Variants in FRK observed in about 807,000 individuals in gnomAD.
FRK encodes the protein fyn related Src family tyrosine kinase.
In FRK, 51 loss-of-function variants were observed where a neutral mutation model predicts 56.4. The ratio of observed to expected loss-of-function variants is 0.90; its 90% CI spans 0.72 to 1.14. The LOEUF is 1.14. FRK is among the 50% of genes most tolerant of loss of function. The pLI is 0.00. For missense variants in FRK, 570 were observed against 601.4 expected (o/e 0.95, Z 0.55); for synonymous variants, 245 against 217.9 (o/e 1.12, Z -1.10).
At chr6:116,062,279 A>C (rs757645267), upstream of FRK, among the ~76,000 whole-genome samples, 27 of 152,122 alleles carry the variant, frequency 1.8e-4, no homozygotes, top group Non-Finnish European at 2.9e-4. Flanking sequence ...TATGAGACCT[A>C]AAATAGACTG....
intron 1 of FRK, among the ~76,000 whole-genome samples, chr6:116,015,930 T>G (rs568705360): frequency 2.6e-5 from 4 of 152,300 alleles, no homozygotes; most frequent in African/African-American, 9.6e-5. Context: ...ACTGGAACTT[T>G]TATTTATCAG....
chr6:115,942,437 C>A lies in FRK; in HGVS notation c.1495G>T (p.Asp499Tyr). Residue 499 changes from aspartate to tyrosine, a missense_variant, in exon 8 of 8, where the codon GAT (aspartate) becomes TAT (tyrosine). Asp to Tyr is a radical substitution (Grantham distance 160). Transcript: ENST00000606080. ...DYFETDSSYS[D>Y]ANNFIR is the part of the protein sequence containing the mutation. ...GTTCATCTTATGAAGTTATTTGCAT[C>A]TGAATATGAAGAGTCTGTTTCAAAA... 6.2e-7 allele frequency: 1 copy of A among 1,613,192 alleles called. No individual in the cohort carries two copies. The highest frequency in any genetic ancestry group is 8.5e-7 in the Non-Finnish European group (1 of 1,179,346).
chr6:115,941,287 G>C lies in FRK; in HGVS notation c.*1127C>G, dbSNP rs1772167998. ...ATGTTCTCACTCATAAGTGGGAGCT[G>C]AACAATGAGAACATATGGACACAAG... On this transcript the variant is annotated 3_prime_UTR_variant, in exon 8 of 8. Transcript: ENST00000606080. The C allele has an allele frequency of 7.4e-6, 1 of 134,298 alleles. No individual in the cohort carries two copies. 8.3% of individuals were successfully genotyped at this position (134,298 alleles called of 1,614,324 possible).
Position 115,942,390 on chromosome 6 carries a change from T to C in FRK, c.*24A>G. ...TATTTGAATTTGTTTTGCTACTTTA[T>C]TATTTGATATTCTTCTCCAGTGTTC... On this transcript the variant is annotated 3_prime_UTR_variant, in exon 8 of 8. Transcript: ENST00000606080. The C allele has an allele frequency of 6.4e-7, 1 of 1,564,664 alleles. No homozygotes were observed. The highest frequency in any genetic ancestry group is 8.8e-7 in the Non-Finnish European group (1 of 1,136,740).
At chr6:116,092,637 G>A in the FRK span, among the ~76,000 whole-genome samples, 1,048 of 152,264 alleles carry the variant, frequency 6.9e-3, 17 homozygotes, top group South Asian at 0.044. Flanking sequence ...CTGCTGCTGC[G>A]TCAGTGAGCA....
At chr6:115,995,189 G>T (rs1311853450) in intron 2 of FRK, among the ~76,000 whole-genome samples, 1 of 152,110 alleles carries the variant, frequency 6.6e-6, no homozygotes, top group Non-Finnish European at 1.5e-5. Flanking sequence ...TTAGTTTATA[G>T]AGCTACTATG....
intron 2 of FRK, among the ~76,000 whole-genome samples, chr6:115,994,321 A>ACCACC (rs1422664378): frequency 2.1e-5 from 1 of 47,774 alleles, no homozygotes; most frequent in Non-Finnish European, 4.9e-5. Flanking sequence ...GAATCTCACA[A>ACCACC]CCTCCCCCCC....
chr6:115,989,587 T>G (rs1273956694), intron 2 of FRK, among the ~76,000 whole-genome samples: 1 of 151,952 alleles, frequency 6.6e-6, no homozygotes, highest in Non-Finnish European at 1.5e-5. Flanking sequence ...GATAATGCCC[T>G]CCAGTTCCAT....
chr6:115,943,242 C>G, intron 6 of FRK, 57 bp from the exon 7 acceptor site: 1 of 1,240,634 alleles, frequency 8.1e-7, no homozygotes, highest in Non-Finnish European at 1.1e-6. Flanking sequence ...TTTTTGCTAA[C>G]CTCATTCATC....
At chr6:116,090,271 G>C in the FRK span, among the ~76,000 whole-genome samples, 1 of 152,188 alleles carries the variant, frequency 6.6e-6, no homozygotes, top group Non-Finnish European at 1.5e-5. Context: ...ACTAGGTCCT[G>C]ATTTGCATTT....
chr6:116,025,204 T>C (rs1359539470), intron 1 of FRK, among the ~76,000 whole-genome samples: 1 of 152,162 alleles, frequency 6.6e-6, no homozygotes, highest in Non-Finnish European at 1.5e-5. Flanking sequence ...TGCCATTGCT[T>C]CTTTGTTTAG....
chr6:116,070,791 C>T, the FRK span, among the ~76,000 whole-genome samples: 1 of 152,210 alleles, frequency 6.6e-6, no homozygotes, highest in African/African-American at 2.4e-5. Context: ...AATTCTTATG[C>T]CAAAGTTTCC....
chr6:115,945,868 A>C (rs1466684376), intron 5 of FRK, among the ~76,000 whole-genome samples: 1 of 152,122 alleles, frequency 6.6e-6, no homozygotes, highest in Non-Finnish European at 1.5e-5. Flanking sequence ...TAAGTATAAA[A>C]AATTTATATA....
intron 1 of FRK, among the ~76,000 whole-genome samples, chr6:116,006,078 G>T (rs552171424): frequency 6.6e-6 from 1 of 152,038 alleles, no homozygotes; most frequent in Non-Finnish European, 1.5e-5. Flanking sequence ...AATAAAATTT[G>T]AATATAAGCC....
chr6:116,004,027 T>C (rs1293857351), intron 1 of FRK, 29 bp from the exon 2 acceptor site: 2 of 1,591,868 alleles, frequency 1.3e-6, no homozygotes, highest in Admixed American at 3.4e-5. Flanking sequence ...AAATGTTAAG[T>C]AACCAATTAA....
chr6:115,934,456 G>C lies in FRK; in HGVS notation c.*7958C>G, dbSNP rs1772009629. 1.3e-5 allele frequency: 2 copies of C among 152,180 alleles called. No individual in the cohort carries two copies. 9.4% of individuals were successfully genotyped at this position (152,180 alleles called of 1,614,324 possible). A position where few individuals can be genotyped will look rare whatever the true frequency, so the allele number is the denominator to read the frequency against. ...TTTCTCTTGCCAGATGAGGAGAAGA[G>C]AACGCGGAACCCCAGTTTTGCCATT... On this transcript the variant is annotated 3_prime_UTR_variant, in exon 8 of 8. Coordinates refer to ENST00000606080, the MANE Select transcript of FRK (RefSeq NM_002031.3).
intron 6 of FRK, 69 bp downstream of exon 6, chr6:115,944,175 T>C (rs1772322623): frequency 1.6e-6 from 2 of 1,229,836 alleles, no homozygotes; most frequent in Non-Finnish European, 1.1e-6. Flanking sequence ...TAACAGTATA[T>C]CTATTGGTCT....
At chr6:116,035,437 T>G (rs576082559) in intron 1 of FRK, among the ~76,000 whole-genome samples, 36 of 152,166 alleles carry the variant, frequency 2.4e-4, no homozygotes, top group African/African-American at 8.7e-4. Flanking sequence ...CTTATTCTTT[T>G]CCAATATAAC....
upstream of FRK, among the ~76,000 whole-genome samples, chr6:116,061,447 T>G (rs1460672021): frequency 6.7e-6 from 1 of 149,512 alleles, no homozygotes; most frequent in Non-Finnish European, 1.5e-5. Context: ...ACACACCAAC[T>G]AGGTGACCAG....
Sources: allele counts gnomAD v4.1 joint callset (sites outside exome capture counted in the v4.1 genomes callset), GRCh38; gene constraint gnomAD v4.1.1; transcripts MANE v1.5; gene names NCBI Gene and HGNC (gene_info 2026-07-23, HGNC 2026-07-21).